ZCCHC4: variants seen among roughly 807,000 people sequenced by gnomAD.
The protein encoded by ZCCHC4 is zinc finger CCHC-type containing 4.
In ZCCHC4, 54 loss-of-function variants were observed where a neutral mutation model predicts 67.7. The observed-to-expected ratio is 0.80, with a 90% CI of 0.64 to 1.00. ZCCHC4 has a LOEUF of 1.00. Among genes scored for constraint, ZCCHC4 ranks in the 50% least tolerant of loss-of-function variants. The probability of loss-of-function intolerance (pLI) is 0.00; values close to 1 mark genes in which losing one functional copy is unlikely to be tolerated. For missense variants in ZCCHC4, 609 were observed against 617.0 expected, an observed-to-expected ratio of 0.99 and a Z score of 0.14; for synonymous variants, 198 against 213.5, an observed-to-expected ratio of 0.93 and a Z score of 0.63.
intron 3 of ZCCHC4, among the ~76,000 whole-genome samples, chr4:25,330,362 T>C (rs1047497800): frequency 1.3e-5 from 2 of 152,200 alleles, no homozygotes; most frequent in East Asian, 3.8e-4. Flanking sequence ...TTTTATTGGA[T>C]ACTAGTAGTA....
chr4:25,315,182 G>A, intron 2 of ZCCHC4, 136 bp from the exon 3 acceptor site: 1 of 717,654 alleles, frequency 1.4e-6, no homozygotes, highest in Non-Finnish European at 2.2e-6. Flanking sequence ...AGTTTTCGCT[G>A]TTTTGTTTTC....
chr4:25,359,496 C>T lies in ZCCHC4; in HGVS notation c.1012-2363C>T, dbSNP rs576478844. ...TGGGTCTGTTGTCTTGGCCAGAGAC[C>T]GCCACCTGGTCTGATACCAAGGAGG... On this transcript the variant is annotated intron_variant, in intron 8 of 12. Coordinates refer to ENST00000302874, the MANE Select transcript of ZCCHC4 (RefSeq NM_024936.3). This position sits in a 1 kb window ranked among gnomAD's most constrained non-coding sequence, Gnocchi z 4.9. Among the ~76,000 whole-genome samples the T allele has an allele frequency of 2.0e-5, 3 of 152,238 alleles. No individual in the cohort carries two copies. The highest frequency in any genetic ancestry group is 2.9e-5 in the Non-Finnish European group (2 of 68,004).
At chr4:25,348,524 TG>T (rs1311668777) in intron 6 of ZCCHC4, among the ~76,000 whole-genome samples, 1 of 152,208 alleles carries the variant, frequency 6.6e-6, no homozygotes, top group Non-Finnish European at 1.5e-5. Context: ...GTACTGAGCA[TG>T]TACACTTTTT....
chr4:25,365,703 T>A (rs1270270651), intron 12 of ZCCHC4: 29 of 985,118 alleles, frequency 2.9e-5, no homozygotes, highest in Non-Finnish European at 3.5e-5. Context: ...GTGATTATTT[T>A]CACATCTCTC....
chr4:25,366,453 C>T, intron 12 of ZCCHC4: 1 of 211,642 alleles, frequency 4.7e-6, no homozygotes, highest in Non-Finnish European at 8.1e-6. Context: ...GTAGCTGGGA[C>T]TACAGGCGCC....
intron 1 of ZCCHC4, among the ~76,000 whole-genome samples, chr4:25,313,148 C>T (rs907367463): frequency 1.3e-5 from 2 of 152,158 alleles, no homozygotes; most frequent in African/African-American, 4.8e-5. Context: ...GGCTCCAGGA[C>T]TATTTCATCT....
chr4:25,338,498 A>G (rs1719577173), intron 5 of ZCCHC4, among the ~76,000 whole-genome samples: 1 of 152,054 alleles, frequency 6.6e-6, no homozygotes, highest in Admixed American at 6.5e-5. Context: ...ATTCCACAAC[A>G]TTTTCATCAC....
intron 6 of ZCCHC4, 138 bp downstream of exon 6, chr4:25,345,758 C>T (rs998751601): frequency 1.6e-6 from 1 of 627,320 alleles, no homozygotes; most frequent in Non-Finnish European, 2.8e-6. Context: ...TATTTTTGTT[C>T]TTTCACTGTT....
chr4:25,368,992 C>A (rs763378448), intron 12 of ZCCHC4, 37 bp from the exon 13 acceptor site: 1 of 1,589,208 alleles, frequency 6.3e-7, no homozygotes, highest in South Asian at 1.2e-5. Context: ...ATTCACTGTG[C>A]TCATTCTGTG....
chr4:25,320,259 C>T (rs184460445), intron 3 of ZCCHC4, among the ~76,000 whole-genome samples: 1 of 151,876 alleles, frequency 6.6e-6, no homozygotes, highest in African/African-American at 2.4e-5. Context: ...ATGTTTGCAC[C>T]CTTATTGTGA....
At chr4:25,313,076 A>G (rs1718042771) in intron 1 of ZCCHC4, 140 bp downstream of exon 1, 2 of 1,279,592 alleles carry the variant, frequency 1.6e-6, no homozygotes, top group African/African-American at 1.5e-5. Flanking sequence ...CCTTCCTCGG[A>G]ACGCGGTGTT....
chr4:25,349,398 T>A, intron 6 of ZCCHC4, 94 bp from the exon 7 acceptor site: 1 of 1,265,154 alleles, frequency 7.9e-7, no homozygotes, highest in Non-Finnish European at 1.1e-6. Flanking sequence ...TTTCCAGTAT[T>A]AAGAGAGAGA....
At chr4:25,346,858 A>AG (rs61613321) in intron 6 of ZCCHC4, among the ~76,000 whole-genome samples, 35,337 of 152,108 alleles carry the variant, frequency 0.23, 5,281 homozygotes, top group African/African-American at 0.42. Context: ...GTGGATGATG[A>AG]GGGGCTTCGC....
chr4:25,331,331 G>A lies in ZCCHC4; in HGVS notation c.330-1852G>A, dbSNP rs542127794. 3.9e-5 allele frequency among the ~76,000 whole-genome samples: 6 copies of A among 152,302 alleles called. No homozygotes were observed. In the East Asian group the frequency reaches 7.7e-4, roughly 20 times the overall value. On this transcript the variant is annotated intron_variant, in intron 3 of 12. Coordinates refer to ENST00000302874, the MANE Select transcript of ZCCHC4 (RefSeq NM_024936.3). ...AACATTTTTTTCTTTTAGAGACAGA[G>A]CCTCACTCTGTTGCCTAGGCTGGAG...
At chr4:25,350,629 A>G (rs1256866927) in intron 7 of ZCCHC4, among the ~76,000 whole-genome samples, 1 of 152,116 alleles carries the variant, frequency 6.6e-6, no homozygotes, top group Non-Finnish European at 1.5e-5. Context: ...TCTAGCTCGC[A>G]AGTTGATAAA....
In ZCCHC4 at chr4:25,349,475, AT is replaced by A. The variant is rs1191222656; in HGVS notation, c.760-12del. On this transcript the variant is annotated splice_polypyrimidine_tract_variant and intron_variant, in intron 6 of 12. Coordinates refer to ENST00000302874, the MANE Select transcript of ZCCHC4 (RefSeq NM_024936.3). ...CTCTCTAGTCCTAATTTAGAAATGA[AT>A]TTTTATTTGTTCCAGACTGCCCTTG... 6.2e-7 allele frequency: 1 copy of A among 1,611,824 alleles called. No individual in the cohort carries two copies. Among genetic ancestry groups the A allele is most frequent in the East Asian group, 2.2e-5 (1 of 44,846 alleles).
In ZCCHC4 at chr4:25,369,922, A is replaced by G. The variant is rs1176345354; in HGVS notation, c.*758A>G. Reference sequence around the variant, plus strand: ...ATAGTTTAAACCCCACTTGAAAAGTATAGCGTACAATTATTTTTAGACTGA... The same window carrying G: ...ATAGTTTAAACCCCACTTGAAAAGTGTAGCGTACAATTATTTTTAGACTGA... On this transcript the variant is annotated 3_prime_UTR_variant, in exon 13 of 13. Transcript: ENST00000302874. The G allele has an allele frequency of 6.6e-6, 1 of 152,244 alleles. No homozygotes were observed. Among genetic ancestry groups the G allele is most frequent in the Non-Finnish European group, 1.5e-5 (1 of 68,044 alleles). The allele number at this position is 152,244 out of a possible 1,614,324, so 9.4% of individuals were successfully genotyped here. A position where few individuals can be genotyped will look rare whatever the true frequency, so the allele number is the denominator to read the frequency against.
At chr4:25,341,916 T>G (rs536774898) in intron 5 of ZCCHC4, among the ~76,000 whole-genome samples, 1 of 152,356 alleles carries the variant, frequency 6.6e-6, no homozygotes, top group South Asian at 2.1e-4. Flanking sequence ...TTTCCTTTTC[T>G]TGCACCTGTA....
intron 8 of ZCCHC4, among the ~76,000 whole-genome samples, chr4:25,358,598 T>C (rs1006892012): frequency 1.3e-5 from 2 of 152,242 alleles, no homozygotes; most frequent in African/African-American, 4.8e-5. Flanking sequence ...AAGTAAACTC[T>C]TGCTCTTAAG....
Sources: gnomAD v4.1 joint callset for allele counts (sites outside exome capture counted in the v4.1 genomes callset) on GRCh38, gnomAD v4.1.1 for gene constraint, Gnocchi (gnomAD v3.1) non-coding constraint, MANE v1.5 for transcripts, NCBI Gene and HGNC (gene_info 2026-07-23, HGNC 2026-07-21) for gene names.